The following DNAH14 variants were observed in gnomAD, a reference collection of about 807,000 sequenced individuals.
DNAH14 encodes the protein axonemal beta dynein heavy chain 14.
DNAH14 carries 478 observed loss-of-function variants against 520.9 expected under a neutral mutation model. The observed-to-expected ratio is 0.92, with a 90% CI of 0.85 to 0.99. The LOEUF (loss-of-function observed/expected upper bound fraction) is 0.99. DNAH14 is among the 50% of genes least tolerant of loss of function. The pLI, the probability that DNAH14 is intolerant of heterozygous loss-of-function variation, is 0.00. For synonymous variants in DNAH14, 1,581 were observed against 1,757.2 expected (o/e 0.90, Z 2.51); for missense variants, 4,831 against 5,234.5 (o/e 0.92, Z 2.38).
In DNAH14 at chr1:225,346,605, T is replaced by C; in HGVS notation, c.11247T>C (p.Ser3749=). 1 of 1,550,228 alleles carries C rather than the reference T, an allele frequency of 6.5e-7. No homozygotes were observed. The highest frequency in any genetic ancestry group is 8.7e-7 in the Non-Finnish European group (1 of 1,146,034). The change falls in exon 71 of 86, where the codon TCT becomes TCC. Residue 3749 remains serine (S), a synonymous_variant. Coordinates refer to ENST00000682510, the MANE Select transcript of DNAH14 (RefSeq NM_001367479.1). ...AAGAATGGAACATCTTTTTATATTCTGGCATATTGATAAATATTAAAAGTG... is the reference window on the plus strand; with the variant it reads ...AAGAATGGAACATCTTTTTATATTCCGGCATATTGATAAATATTAAAAGTG... ...PEEEWNIFLY[S]GILINIKSAL... is the part of the protein sequence containing the mutation.
intron 38 of DNAH14, among the ~76,000 whole-genome samples, chr1:225,197,581 G>A (rs1422870029): frequency 2.6e-5 from 4 of 152,170 alleles, no homozygotes; most frequent in Non-Finnish European, 5.9e-5. Context: ...TGTGAAGAAT[G>A]ATAGTGGTAT....
intron 66 of DNAH14, among the ~76,000 whole-genome samples, chr1:225,335,123 GTA>G (rs2094899126): frequency 6.9e-6 from 1 of 144,692 alleles, no homozygotes; most frequent in Non-Finnish European, 1.5e-5. Context: ...ATATACATGT[GTA>G]CATATGTGCA....
intron 79 of DNAH14, among the ~76,000 whole-genome samples, chr1:225,379,163 A>G (rs1286242943): frequency 6.6e-6 from 1 of 152,198 alleles, no homozygotes; most frequent in Non-Finnish European, 1.5e-5. Context: ...CCTTCGTGTC[A>G]ACACAGGAAT....
Position 224,960,161 on chromosome 1 carries a change from A to G in DNAH14, c.226A>G (p.Arg76Gly). ...LKSEKTEDYL[R>G]ESIIQQHMVS... ...AATGGTTTTATTTTCAGATTACCTT[A>G]GAGAAAGTATAATTCAACAACATAT... is the stretch of plus-strand genomic sequence containing the variant. The change falls in exon 4 of 86, where the codon AGA becomes GGA. Residue 76 changes from arginine (R) to glycine (G), a missense_variant. By Grantham distance (125) the Arg-to-Gly change is moderately radical. Transcript: ENST00000682510. 1 of 1,586,134 alleles carries G rather than the reference A, an allele frequency of 6.3e-7. No individual in the cohort carries two copies. Among genetic ancestry groups the G allele is most frequent in the Non-Finnish European group, 8.5e-7 (1 of 1,170,078 alleles).
At chr1:225,391,762 C>T (rs1158040606) in intron 83 of DNAH14, among the ~76,000 whole-genome samples, 3 of 151,928 alleles carry the variant, frequency 2.0e-5, no homozygotes, top group Admixed American at 6.6e-5. Flanking sequence ...ATGGTGAGTT[C>T]GAGATGTTCT....
rs116637888 is a variant in DNAH14, at chr1:225,239,478, G to A, written c.6519-1115G>A. Among the ~76,000 whole-genome samples the A allele has an allele frequency of 5.0e-3, 756 of 152,262 alleles. 4 individuals are homozygous for A. Among genetic ancestry groups the A allele is most frequent in the African/African-American group, 0.017 (705 of 41,562 alleles). ...CGCAGGTGGACCATCACCCGACTCTGCTTTTCTTCATTCTCCATGGGTCGA... is the reference window on the plus strand; with the variant it reads ...CGCAGGTGGACCATCACCCGACTCTACTTTTCTTCATTCTCCATGGGTCGA... On this transcript the variant is annotated intron_variant, in intron 42 of 85. Coordinates refer to ENST00000682510, the MANE Select transcript of DNAH14 (RefSeq NM_001367479.1).
chr1:224,967,409 A>T lies in DNAH14; in HGVS notation c.499-22A>T, dbSNP rs201411461. On this transcript the variant is annotated intron_variant, in intron 5 of 85. Transcript: ENST00000682510. ...TTAGTCAAATTAATTAAATTTGTTTATTATTTTTTTTTTAATCTCAGAAAC... is the reference window on the plus strand; with the variant it reads ...TTAGTCAAATTAATTAAATTTGTTTTTTATTTTTTTTTTAATCTCAGAAAC... 2,776 of 1,375,602 alleles carry T rather than the reference A, an allele frequency of 2.0e-3. 3 individuals carry two copies. The East Asian group carries it at 0.03, about 15-fold the overall frequency. 85.2% of individuals were successfully genotyped at this position (1,375,602 alleles called of 1,614,324 possible).
chr1:225,224,335 A>G (rs771026920), intron 41 of DNAH14, among the ~76,000 whole-genome samples: 6 of 151,732 alleles, frequency 4.0e-5, no homozygotes, highest in Admixed American at 6.6e-5. Context: ...TGTTTTCCCT[A>G]CTAAGCATTC....
chr1:225,300,753 A>T, intron 55 of DNAH14, 116 bp from the exon 56 acceptor site: 2 of 1,112,436 alleles, frequency 1.8e-6, no homozygotes. Flanking sequence ...AAAAAAAATC[A>T]CTTAGCCTCA....
At position 225,156,293 on chromosome 1, in the gene DNAH14, T is replaced by G. The variant is rs766311737; in HGVS notation, c.5273+2467T>G. On this transcript the variant is annotated intron_variant, in intron 34 of 85. Coordinates refer to ENST00000682510, the MANE Select transcript of DNAH14 (RefSeq NM_001367479.1). ...GCTGCCTTATAAAGTTATGACAAAG[T>G]TGTGTCTTAAAAAAACAGAAATGTA... is the stretch of plus-strand genomic sequence containing the variant. Among the ~76,000 whole-genome samples the G allele has an allele frequency of 2.0e-4, 30 of 152,166 alleles. No individual in the cohort carries two copies. The South Asian group carries it at 2.1e-3, about 11-fold the overall frequency.
intron 34 of DNAH14, among the ~76,000 whole-genome samples, chr1:225,156,341 A>G (rs1015683787): frequency 2.0e-5 from 3 of 152,222 alleles, no homozygotes; most frequent in African/African-American, 7.2e-5. Context: ...ACCTGCGGCC[A>G]GAAGTCTGAC....
chr1:225,001,053 G>T (rs1293446168), intron 8 of DNAH14, among the ~76,000 whole-genome samples: 1 of 151,284 alleles, frequency 6.6e-6, no homozygotes, highest in East Asian at 1.9e-4. Context: ...TCGAATAAAA[G>T]TTTCTGTCAT....
At chr1:225,251,318 C>A (rs2092541189) in intron 43 of DNAH14, among the ~76,000 whole-genome samples, 1 of 152,044 alleles carries the variant, frequency 6.6e-6, no homozygotes, top group South Asian at 2.1e-4. Flanking sequence ...GAATTACAGG[C>A]ACCTGTCACC....
chr1:225,038,354 T>C (rs1362275326), intron 11 of DNAH14, among the ~76,000 whole-genome samples: 1 of 152,124 alleles, frequency 6.6e-6, no homozygotes, highest in African/African-American at 2.4e-5. Flanking sequence ...CTTCTTTAGG[T>C]TAAATCTGCT....
At chr1:224,967,652 A>G in intron 6 of DNAH14, 69 bp downstream of exon 6, 1 of 1,596,630 alleles carries the variant, frequency 6.3e-7, no homozygotes, top group East Asian at 2.3e-5. Context: ...GTAGAATTTA[A>G]TTGCATACAT....
intron 23 of DNAH14, among the ~76,000 whole-genome samples, chr1:225,106,727 C>A (rs2076085265): frequency 6.6e-6 from 1 of 152,162 alleles, no homozygotes; most frequent in South Asian, 2.1e-4. Context: ...GTTTTCAGCT[C>A]CATCAGGTCC....
At chr1:225,190,272 T>C (rs891076812) in intron 37 of DNAH14, among the ~76,000 whole-genome samples, 1 of 152,060 alleles carries the variant, frequency 6.6e-6, no homozygotes, top group South Asian at 2.1e-4. Flanking sequence ...ATTATGTGAA[T>C]GTGATCTCTA....
intron 43 of DNAH14, among the ~76,000 whole-genome samples, chr1:225,246,973 A>G (rs1381735731): frequency 6.6e-6 from 1 of 152,238 alleles, no homozygotes; most frequent in East Asian, 1.9e-4. Flanking sequence ...CTTGGAATGA[A>G]CCCAAATGCC....
At chr1:225,082,481 T>C in intron 19 of DNAH14, 68 bp from the exon 20 acceptor site, 1 of 1,215,722 alleles carries the variant, frequency 8.2e-7, no homozygotes, top group South Asian at 2.2e-5. Context: ...AATCTTATTT[T>C]CTCAATTTTT....
Sources: allele counts gnomAD v4.1 joint callset (sites outside exome capture counted in the v4.1 genomes callset), GRCh38; gene constraint gnomAD v4.1.1; transcripts MANE v1.5; gene names NCBI Gene and HGNC (gene_info 2026-07-23, HGNC 2026-07-21).